Variants in ASTN1 observed in about 807,000 individuals in gnomAD.
The protein encoded by ASTN1 is astrotactin 1, also known as astrotactin-1.
ASTN1 carries 41 observed loss-of-function variants against 140.7 expected under a neutral mutation model. The observed-to-expected ratio is 0.29, with a 90% CI of 0.23 to 0.38. The LOEUF (loss-of-function observed/expected upper bound fraction) is 0.38. Among genes scored for constraint, ASTN1 ranks in the 10% least tolerant of loss-of-function variants. The pLI, the probability that ASTN1 is intolerant of heterozygous loss-of-function variation, is 1.00. For synonymous variants in ASTN1, 640 were observed against 652.2 expected, an observed-to-expected ratio of 0.98 and a Z score of 0.29; for missense variants, 1,479 against 1,678.8, an observed-to-expected ratio of 0.88 and a Z score of 2.08.
intron 2 of ASTN1, among the ~76,000 whole-genome samples, chr1:177,055,574 G>A (rs1378235977): frequency 6.6e-6 from 1 of 152,260 alleles, no homozygotes; most frequent in African/African-American, 2.4e-5. Flanking sequence ...CATGTGGGCA[G>A]TATGACCAGT....
chr1:176,867,543 C>T (rs1295849577), intron 22 of ASTN1, among the ~76,000 whole-genome samples: 1 of 152,158 alleles, frequency 6.6e-6, no homozygotes, highest in Non-Finnish European at 1.5e-5. Flanking sequence ...TTAAAAATCC[C>T]TTACATTTTT....
At chr1:176,893,454 G>T (rs145314489) in intron 17 of ASTN1, among the ~76,000 whole-genome samples, 1 of 152,122 alleles carries the variant, frequency 6.6e-6, no homozygotes, top group Admixed American at 6.5e-5. Flanking sequence ...GAAGACAAAC[G>T]TGTAGGCCAC....
intron 8 of ASTN1, among the ~76,000 whole-genome samples, chr1:176,966,302 G>A (rs1300248161): frequency 2.0e-5 from 3 of 152,076 alleles, no homozygotes; most frequent in African/African-American, 7.2e-5. Context: ...CCCCATAGAG[G>A]GCATTTTGAT....
At chr1:176,883,231 CTTTT>C (rs55903122) in intron 19 of ASTN1, among the ~76,000 whole-genome samples, 2 of 130,498 alleles carry the variant, frequency 1.5e-5, no homozygotes, top group Non-Finnish European at 1.6e-5. Context: ...CTGAGAGCTT[CTTTT>C]TTTTTTTTTT....
At chr1:177,023,698 T>C in intron 6 of ASTN1, 127 bp from the exon 7 acceptor site, 2 of 1,070,222 alleles carry the variant, frequency 1.9e-6, no homozygotes, top group South Asian at 2.0e-5. Flanking sequence ...TCACCATTCC[T>C]AGCCCATCAT....
intron 16 of ASTN1, among the ~76,000 whole-genome samples, chr1:176,921,192 C>G (rs1283246783): frequency 1.3e-5 from 2 of 152,172 alleles, no homozygotes; most frequent in African/African-American, 4.8e-5. Flanking sequence ...TGCTGATTTC[C>G]TTAACATTAG....
chr1:176,897,725 G>T (rs58857443), intron 16 of ASTN1, among the ~76,000 whole-genome samples: 6,593 of 152,142 alleles, frequency 0.043, 431 homozygotes, highest in African/African-American at 0.15. Context: ...ACATTTACCC[G>T]ACAGAGAAAA....
intron 20 of ASTN1, among the ~76,000 whole-genome samples, chr1:176,881,775 T>C (rs754169390): frequency 1.2e-4 from 18 of 152,208 alleles, no homozygotes; most frequent in Non-Finnish European, 1.9e-4. Flanking sequence ...CATAGCAACA[T>C]CCCTTTTTCC....
chr1:176,882,408 G>C (rs1377457014), intron 20 of ASTN1, among the ~76,000 whole-genome samples: 2 of 152,090 alleles, frequency 1.3e-5, no homozygotes, highest in Non-Finnish European at 2.9e-5. Context: ...TCACCTTCAT[G>C]CTTCTTCACC....
intron 14 of ASTN1, among the ~76,000 whole-genome samples, chr1:176,940,318 T>A (rs1458459670): frequency 2.6e-5 from 4 of 152,030 alleles, no homozygotes; most frequent in Non-Finnish European, 5.9e-5. Context: ...CAGACCACTA[T>A]CCATAACAAA....
At chr1:177,146,584 A>G (rs1216579006) in intron 1 of ASTN1, among the ~76,000 whole-genome samples, 1 of 152,206 alleles carries the variant, frequency 6.6e-6, no homozygotes, top group Non-Finnish European at 1.5e-5. Context: ...ACAATTTCAA[A>G]AACCCTTACC....
At chr1:176,927,354 G>A (rs1671016661) in intron 16 of ASTN1, among the ~76,000 whole-genome samples, 1 of 152,098 alleles carries the variant, frequency 6.6e-6, no homozygotes, top group South Asian at 2.1e-4. Context: ...GCAAGAAAAG[G>A]CGTTGGCAAA....
intron 5 of ASTN1, 103 bp from the exon 6 acceptor site, chr1:177,024,835 G>T: frequency 2.3e-6 from 3 of 1,308,070 alleles, no homozygotes; most frequent in Non-Finnish European, 3.2e-6. Context: ...GGAGACAGTT[G>T]GCAAAACTAG....
At chr1:176,965,041 G>A in intron 9 of ASTN1, 122 bp downstream of exon 9, 1 of 869,708 alleles carries the variant, frequency 1.1e-6, no homozygotes. Context: ...TTGTTAGCAG[G>A]TGGTCGTGAC....
At chr1:177,108,367 G>T (rs1004609851) in intron 1 of ASTN1, among the ~76,000 whole-genome samples, 1 of 129,544 alleles carries the variant, frequency 7.7e-6, no homozygotes, top group Non-Finnish European at 1.7e-5. Flanking sequence ...AAAAAAAAAA[G>T]AAAAGAAAAA....
chr1:176,924,304 T>G (rs1670861403), intron 16 of ASTN1, among the ~76,000 whole-genome samples: 8 of 152,210 alleles, frequency 5.3e-5, no homozygotes, highest in Admixed American at 5.2e-4. Flanking sequence ...CAGGGTTTTG[T>G]GTTTGCTATT....
intron 2 of ASTN1, among the ~76,000 whole-genome samples, chr1:177,057,914 T>C (rs1441433740): frequency 1.3e-5 from 2 of 152,170 alleles, no homozygotes. Flanking sequence ...GTATAAAGTG[T>C]GTCAAATAAA....
chr1:177,156,815 G>A (rs1244219584), intron 1 of ASTN1, among the ~76,000 whole-genome samples: 1 of 152,178 alleles, frequency 6.6e-6, no homozygotes, highest in Non-Finnish European at 1.5e-5. Flanking sequence ...CATCAACAGT[G>A]AGAAGTCAAG....
intron 1 of ASTN1, among the ~76,000 whole-genome samples, chr1:177,137,154 T>C (rs1425615875): frequency 1.3e-5 from 2 of 152,082 alleles, no homozygotes; most frequent in East Asian, 3.9e-4. Context: ...TGGTTCTAAA[T>C]AGTCACAACA....
Sources: allele counts gnomAD v4.1 joint callset (sites outside exome capture counted in the v4.1 genomes callset), GRCh38; gene constraint gnomAD v4.1.1; transcripts MANE v1.5; gene names NCBI Gene and HGNC (gene_info 2026-07-23, HGNC 2026-07-21).